Variants in TENM2 observed in about 807,000 individuals in gnomAD.
TENM2 encodes the protein teneurin transmembrane protein 2.
A neutral mutation model predicts 245.2 loss-of-function variants in TENM2; 52 were observed. The observed-to-expected ratio is 0.21, with a 90% CI of 0.17 to 0.27. The LOEUF is 0.27. Ranked by LOEUF, TENM2 falls within the 10% of genes least tolerant of loss-of-function variation. The probability of loss-of-function intolerance (pLI) is 1.00; values close to 1 mark genes in which losing one functional copy is unlikely to be tolerated. For synonymous variants in TENM2, 1,363 were observed against 1,438.9 expected, an observed-to-expected ratio of 0.95 and a Z score of 1.19; for missense variants, 3,046 against 3,666.8, an observed-to-expected ratio of 0.83 and a Z score of 4.37.
At chr5:167,695,738 A>C (rs1265365799) in intron 2 of TENM2, among the ~76,000 whole-genome samples, 2 of 151,746 alleles carry the variant, frequency 1.3e-5, no homozygotes, top group South Asian at 2.1e-4. Context: ...AAAAAAAAAA[A>C]AACAAAACAG....
chr5:167,195,426 ATT>A, the TENM2 span, among the ~76,000 whole-genome samples: 1 of 151,932 alleles, frequency 6.6e-6, no homozygotes, highest in South Asian at 2.1e-4. Flanking sequence ...GGGATCCACA[ATT>A]TTTTTCTGCA....
intron 5 of TENM2, among the ~76,000 whole-genome samples, chr5:168,034,668 G>C (rs1284215489): frequency 3.3e-5 from 5 of 152,124 alleles, no homozygotes; most frequent in Non-Finnish European, 5.9e-5. Flanking sequence ...CTACTTGGGA[G>C]GCTAAGGTGG....
At chr5:167,749,979 A>C (rs1011035993) in intron 2 of TENM2, among the ~76,000 whole-genome samples, 1 of 152,076 alleles carries the variant, frequency 6.6e-6, no homozygotes, top group African/African-American at 2.4e-5. Flanking sequence ...CACCATCATC[A>C]TCTCCCTTTG....
intron 2 of TENM2, among the ~76,000 whole-genome samples, chr5:167,779,124 A>G (rs1764007516): frequency 6.6e-6 from 1 of 152,184 alleles, no homozygotes; most frequent in Admixed American, 6.5e-5. Context: ...TCAGCACACA[A>G]CCTCTAAAAC....
chr5:168,113,839 C>T (rs1794863876), intron 9 of TENM2, among the ~76,000 whole-genome samples: 1 of 152,094 alleles, frequency 6.6e-6, no homozygotes, highest in Non-Finnish European at 1.5e-5. Context: ...ATTAATTTTA[C>T]ATAGAAGCTT....
chr5:167,029,650 C>T, the TENM2 span, among the ~76,000 whole-genome samples: 1 of 152,152 alleles, frequency 6.6e-6, no homozygotes, highest in South Asian at 2.1e-4. Context: ...AAAATCCCTT[C>T]CTCATGGGGC....
chr5:167,984,307 C>A (rs1783066358), intron 4 of TENM2, among the ~76,000 whole-genome samples: 1 of 152,206 alleles, frequency 6.6e-6, no homozygotes, highest in Non-Finnish European at 1.5e-5. Context: ...CTACAAACAT[C>A]AGATGTTTAC....
chr5:167,401,978 T>G (rs1002219993), intron 2 of TENM2, among the ~76,000 whole-genome samples: 1 of 152,164 alleles, frequency 6.6e-6, no homozygotes. Context: ...TTAATGGCCC[T>G]TCCCTCCTTT....
intron 2 of TENM2, among the ~76,000 whole-genome samples, chr5:167,512,158 A>G (rs1320468992): frequency 6.6e-6 from 1 of 152,202 alleles, no homozygotes; most frequent in African/African-American, 2.4e-5. Context: ...TGAATTCATT[A>G]CTGGATTGCC....
the TENM2 span, among the ~76,000 whole-genome samples, chr5:167,081,871 C>T: frequency 6.6e-6 from 1 of 152,186 alleles, no homozygotes; most frequent in Non-Finnish European, 1.5e-5. Flanking sequence ...TCATCCCAGG[C>T]ACAGAACGTT....
At chr5:167,047,694 A>G in the TENM2 span, among the ~76,000 whole-genome samples, 1 of 152,142 alleles carries the variant, frequency 6.6e-6, no homozygotes, top group Non-Finnish European at 1.5e-5. Context: ...ATTCTTTTTG[A>G]AGAGAACCTT....
At chr5:167,093,458 G>A in the TENM2 span, among the ~76,000 whole-genome samples, 1 of 152,142 alleles carries the variant, frequency 6.6e-6, no homozygotes, top group Non-Finnish European at 1.5e-5. Context: ...TAGGCAGCCA[G>A]GAAAACAAGG....
At chr5:168,233,826 C>T (rs1765166406) in intron 25 of TENM2, among the ~76,000 whole-genome samples, 1 of 152,146 alleles carries the variant, frequency 6.6e-6, no homozygotes, top group Non-Finnish European at 1.5e-5. Context: ...TACTTGACGG[C>T]ATCAAGAGAA....
rs1487977593 is a variant in TENM2, at chr5:168,215,876, G to A, written c.4078+604G>A. 2.6e-5 allele frequency among the ~76,000 whole-genome samples: 4 copies of A among 152,272 alleles called. No individual in the cohort carries two copies. The South Asian group carries it at 6.2e-4, about 24-fold the overall frequency. ...AGCCCAGCGAGGGGCCTCTGGCCAC[G>A]CCCAGACTTCCGTGGTAGACAGCAA... is the stretch of plus-strand genomic sequence containing the variant. On this transcript the variant is annotated intron_variant, in intron 21 of 28. Coordinates refer to ENST00000518659, the Ensembl canonical transcript of TENM2.
Position 168,132,339 on chromosome 5 carries a change from A to C in TENM2, c.2422+5373A>C, listed in dbSNP as rs900856010. Among the ~76,000 whole-genome samples, 7 of 152,188 alleles carry C rather than the reference A, an allele frequency of 4.6e-5. No individual in the cohort carries two copies. The East Asian group carries it at 1.3e-3, about 29-fold the overall frequency. The stretch of plus-strand genomic sequence containing the variant: ...CATAGACAAGATAGACACAAACTAC[A>C]TTCTAACTTTATGACTCATCATTCT... On this transcript the variant is annotated intron_variant, in intron 12 of 28. Coordinates refer to ENST00000518659, the Ensembl canonical transcript of TENM2.
chr5:167,625,614 G>A (rs1009153172), intron 2 of TENM2, among the ~76,000 whole-genome samples: 2 of 152,168 alleles, frequency 1.3e-5, no homozygotes, highest in East Asian at 1.9e-4. Flanking sequence ...CTGCTCAGAT[G>A]TATCAGTTAT....
At chr5:167,661,312 A>G (rs1399794280) in intron 2 of TENM2, among the ~76,000 whole-genome samples, 1 of 152,144 alleles carries the variant, frequency 6.6e-6, no homozygotes, top group Non-Finnish European at 1.5e-5. Context: ...TAAGCTTCCT[A>G]TCTTGGAACG....
At chr5:167,872,045 G>A (rs962529211) in intron 2 of TENM2, among the ~76,000 whole-genome samples, 4 of 152,002 alleles carry the variant, frequency 2.6e-5, no homozygotes, top group Non-Finnish European at 5.9e-5. Context: ...TGTAATTCCA[G>A]CACTTTGGGA....
chr5:167,462,100 T>TACAC (rs1766331596), intron 2 of TENM2, among the ~76,000 whole-genome samples: 1 of 150,520 alleles, frequency 6.6e-6, no homozygotes. Context: ...CATGCATACA[T>TACAC]ACATACACAC....
Sources: gnomAD v4.1 joint callset for allele counts (sites outside exome capture counted in the v4.1 genomes callset) on GRCh38, gnomAD v4.1.1 for gene constraint, MANE v1.5 for transcripts, NCBI Gene and HGNC (gene_info 2026-07-23, HGNC 2026-07-21) for gene names.